The following FBXL13 variants were observed in gnomAD, a reference collection of about 807,000 sequenced individuals.
The protein encoded by FBXL13 is F-box and leucine rich repeat protein 13.
Under a neutral mutation model 83.6 loss-of-function variants are expected in FBXL13, and 67 were observed. The ratio of observed to expected loss-of-function variants is 0.80; its 90% CI spans 0.66 to 0.98. The LOEUF is 0.98. FBXL13 is among the 50% of genes least tolerant of loss of function. FBXL13 has a pLI of 0.00. For missense variants in FBXL13, 822 were observed against 866.5 expected (o/e 0.95, Z 0.64); for synonymous variants, 272 against 299.5 (o/e 0.91, Z 0.95).
intron 11 of FBXL13, among the ~76,000 whole-genome samples, chr7:102,896,656 T>C (rs1037201670): frequency 1.3e-5 from 2 of 152,220 alleles, no homozygotes; most frequent in African/African-American, 2.4e-5. Context: ...GCCCCTCTCC[T>C]TGGCTTACAG....
intron 18 of FBXL13, 164 bp from the exon 20 acceptor site, chr7:102,822,367 A>G (rs564009206): frequency 2.4e-5 from 18 of 742,228 alleles, no homozygotes; most frequent in Non-Finnish European, 3.6e-5. Context: ...CAAGACTGAG[A>G]TAAAGATAGA....
At chr7:102,998,156 T>C (rs553214259) in intron 6 of FBXL13, among the ~76,000 whole-genome samples, 7 of 152,370 alleles carry the variant, frequency 4.6e-5, no homozygotes, top group African/African-American at 1.7e-4. Context: ...ATGTTGAACA[T>C]GTTTTCATAT....
intron 11 of FBXL13, among the ~76,000 whole-genome samples, chr7:102,888,308 G>A (rs989602671): frequency 6.6e-6 from 1 of 152,224 alleles, no homozygotes; most frequent in Non-Finnish European, 1.5e-5. Flanking sequence ...GGAGGCCAAG[G>A]TGGGCAGATC....
intron 17 of FBXL13, among the ~76,000 whole-genome samples, chr7:102,843,790 A>C (rs1312894306): frequency 6.6e-6 from 1 of 152,182 alleles, no homozygotes; most frequent in Non-Finnish European, 1.5e-5. Context: ...AAAAAAATAA[A>C]ATAATAAAAA....
chr7:102,924,169 C>T (rs1339769732), intron 10 of FBXL13, among the ~76,000 whole-genome samples: 3 of 148,918 alleles, frequency 2.0e-5, no homozygotes, highest in African/African-American at 5.0e-5. Context: ...ACCTGGGAGG[C>T]GAAGGTTGCG....
intron 6 of FBXL13, among the ~76,000 whole-genome samples, chr7:102,992,312 G>T (rs1235221414): frequency 6.6e-6 from 1 of 152,060 alleles, no homozygotes; most frequent in African/African-American, 2.4e-5. Flanking sequence ...AACACATCTT[G>T]TTACTGTCAA....
At chr7:102,917,696 T>C (rs926682074) in intron 10 of FBXL13, among the ~76,000 whole-genome samples, 1 of 152,132 alleles carries the variant, frequency 6.6e-6, no homozygotes, top group Admixed American at 6.5e-5. Flanking sequence ...ACCTAGACCT[T>C]AAGCATGTCA....
chr7:102,963,040 C>T (rs1247297309), intron 8 of FBXL13, among the ~76,000 whole-genome samples: 2 of 149,488 alleles, frequency 1.3e-5, no homozygotes, highest in East Asian at 1.9e-4. Context: ...AAGAACCAGC[C>T]GGGCACAGTG....
At chr7:102,962,225 A>C (rs1278414078) in intron 8 of FBXL13, among the ~76,000 whole-genome samples, 5 of 151,948 alleles carry the variant, frequency 3.3e-5, no homozygotes, top group African/African-American at 1.2e-4. Flanking sequence ...GCCAAAAAAC[A>C]CATGAAAAAA....
intron 2 of FBXL13, among the ~76,000 whole-genome samples, chr7:103,045,000 A>G (rs1796125907): frequency 6.6e-6 from 1 of 152,264 alleles, no homozygotes; most frequent in Non-Finnish European, 1.5e-5. Flanking sequence ...ATTAAATGTA[A>G]AGGAATTTAA....
chr7:102,940,296 G>A (rs1227799250), intron 8 of FBXL13, among the ~76,000 whole-genome samples: 8 of 150,676 alleles, frequency 5.3e-5, no homozygotes, highest in East Asian at 2.0e-4. Context: ...TGCAAGCTCC[G>A]CCTCCCAGGT....
At chr7:102,958,049 G>A (rs1176866741) in intron 8 of FBXL13, among the ~76,000 whole-genome samples, 2 of 152,070 alleles carry the variant, frequency 1.3e-5, no homozygotes, top group East Asian at 3.9e-4. Flanking sequence ...TATACCCAAA[G>A]GATTATAAAT....
chr7:103,029,265 C>G (rs527286888), intron 3 of FBXL13, 86 bp downstream of exon 4: 25 of 748,746 alleles, frequency 3.3e-5, no homozygotes, highest in Middle Eastern at 3.2e-4. Context: ...ATCAGCACAA[C>G]TGGCCAAAAG....
chr7:103,003,673 C>G (rs1193207502), intron 6 of FBXL13, among the ~76,000 whole-genome samples: 1 of 152,254 alleles, frequency 6.6e-6, no homozygotes, highest in East Asian at 1.9e-4. Context: ...CCTCTGCCTC[C>G]TGGGTCCAAG....
intron 17 of FBXL13, among the ~76,000 whole-genome samples, chr7:102,850,560 T>C (rs1805045426): frequency 6.6e-6 from 1 of 152,226 alleles, no homozygotes; most frequent in South Asian, 2.1e-4. Flanking sequence ...ATCATATTCA[T>C]AGATAAAACT....
At chr7:102,920,295 CAG>C (rs1484718089) in intron 10 of FBXL13, among the ~76,000 whole-genome samples, 1 of 152,110 alleles carries the variant, frequency 6.6e-6, no homozygotes, top group Non-Finnish European at 1.5e-5. Context: ...GAGCAAAAGA[CAG>C]AAATACTGAG....
intron 17 of FBXL13, among the ~76,000 whole-genome samples, chr7:102,850,044 T>C (rs886309204): frequency 3.9e-5 from 6 of 152,082 alleles, no homozygotes; most frequent in Non-Finnish European, 5.9e-5. Flanking sequence ...TGTTCATGAA[T>C]TTGAGTAGAA....
At chr7:103,061,656 C>G (rs1445495924) in intron 1 of FBXL13, among the ~76,000 whole-genome samples, 2 of 151,978 alleles carry the variant, frequency 1.3e-5, no homozygotes, top group African/African-American at 4.8e-5. Flanking sequence ...AAAAAAATAC[C>G]TGGCCCAGCA....
At chr7:103,051,984 A>C (rs1241322252) in intron 2 of FBXL13, among the ~76,000 whole-genome samples, 5 of 152,204 alleles carry the variant, frequency 3.3e-5, no homozygotes, top group Non-Finnish European at 7.4e-5. Flanking sequence ...ACAAGAACTC[A>C]AATACAGAAG....
Sources: allele counts gnomAD v4.1 joint callset (sites outside exome capture counted in the v4.1 genomes callset), GRCh38; gene constraint gnomAD v4.1.1; transcripts MANE v1.5; gene names NCBI Gene and HGNC (gene_info 2026-07-23, HGNC 2026-07-21).